Variants in ADAM12 observed in about 807,000 individuals in gnomAD.
The protein encoded by ADAM12 is disintegrin and metalloproteinase domain-containing protein 12.
ADAM12 carries 70 observed loss-of-function variants against 106.4 expected under a neutral mutation model. That is an observed-to-expected ratio of 0.66 (90% CI 0.54 to 0.80). The LOEUF is 0.80. Ranked by LOEUF, ADAM12 falls within the 30% of genes least tolerant of loss-of-function variation. The pLI, the probability that ADAM12 is intolerant of heterozygous loss-of-function variation, is 0.00. For missense variants in ADAM12, 1,010 were observed against 1,171.9 expected, an observed-to-expected ratio of 0.86 and a Z score of 2.02; for synonymous variants, 420 against 433.5, an observed-to-expected ratio of 0.97 and a Z score of 0.39.
intron 1 of ADAM12, among the ~76,000 whole-genome samples, chr10:126,383,129 G>C (rs1249405699): frequency 1.3e-5 from 2 of 151,846 alleles, no homozygotes; most frequent in Non-Finnish European, 2.9e-5. Context: ...AAAATTTTTT[G>C]TTGAGATGTG....
intron 2 of ADAM12, among the ~76,000 whole-genome samples, chr10:126,287,464 T>C (rs911502768): frequency 6.6e-6 from 1 of 151,940 alleles, no homozygotes; most frequent in Non-Finnish European, 1.5e-5. Flanking sequence ...AGAGGGGAGG[T>C]TGGAGAAAAT....
rs1400689721 is a variant in ADAM12, at chr10:126,135,335, G to A, written c.416+249C>T. The A allele has an allele frequency of 8.6e-6, 4 of 467,142 alleles. No individual in the cohort carries two copies. In the East Asian group the frequency reaches 9.6e-5, roughly 11 times the overall value. 28.9% of individuals were successfully genotyped at this position (467,142 alleles called of 1,614,324 possible). On this transcript the variant is annotated intron_variant, in intron 5 of 22. Coordinates refer to ENST00000448723, the MANE Select transcript of ADAM12 (RefSeq NM_001288973.2). ...ATGTAGAAACTCAACCAGTTCAGTCGCTTTTACCCCACCAGGCCTGAGGAT... is the reference window on the plus strand; with the variant it reads ...ATGTAGAAACTCAACCAGTTCAGTCACTTTTACCCCACCAGGCCTGAGGAT...
chr10:126,340,146 C>T (rs545330951), intron 1 of ADAM12, among the ~76,000 whole-genome samples: 36 of 152,266 alleles, frequency 2.4e-4, no homozygotes, highest in Admixed American at 8.5e-4. Context: ...AGCCACAGTG[C>T]CCAGCCCCGT....
intron 1 of ADAM12, among the ~76,000 whole-genome samples, chr10:126,356,419 A>C (rs1295979485): frequency 6.6e-6 from 1 of 152,226 alleles, no homozygotes; most frequent in African/African-American, 2.4e-5. Flanking sequence ...TAGAGAATGG[A>C]AAGCAAGCTT....
rs771472529 is a variant in ADAM12, at chr10:126,066,322, C to T, written c.1413+395G>A. 5.3e-5 allele frequency among the ~76,000 whole-genome samples: 8 copies of T among 152,154 alleles called. No homozygotes were observed. The highest frequency in any genetic ancestry group is 7.3e-5 in the Non-Finnish European group (5 of 68,034). On this transcript the variant is annotated intron_variant, in intron 13 of 22. Transcript: ENST00000448723. The surrounding 1 kb of genome is among the most constrained non-coding windows in gnomAD (Gnocchi z 5.1). ...TGGGACAAGCCAGCAGGCAGATGTCCGCGGGATCAAGAAGATGAACCTGGG... is the reference window on the plus strand; with the variant it reads ...TGGGACAAGCCAGCAGGCAGATGTCTGCGGGATCAAGAAGATGAACCTGGG...
chr10:126,097,505 C>T (rs1012082630), intron 10 of ADAM12, among the ~76,000 whole-genome samples: 2 of 152,190 alleles, frequency 1.3e-5, no homozygotes, highest in African/African-American at 4.8e-5. Context: ...AAGTAATCAT[C>T]AGCAGAACAT....
intron 3 of ADAM12, among the ~76,000 whole-genome samples, chr10:126,180,616 T>C (rs1036720438): frequency 3.9e-5 from 6 of 152,212 alleles, no homozygotes; most frequent in African/African-American, 1.4e-4. Flanking sequence ...AGCACCTGTT[T>C]CACAAGGATT....
At chr10:126,260,096 A>C (rs1279027041) in intron 3 of ADAM12, among the ~76,000 whole-genome samples, 7 of 152,180 alleles carry the variant, frequency 4.6e-5, no homozygotes, top group African/African-American at 7.2e-5. Context: ...GGGCCCCAGC[A>C]TTTCTTCCAT....
chr10:126,257,902 G>A (rs1418983865), intron 3 of ADAM12, among the ~76,000 whole-genome samples: 1 of 152,114 alleles, frequency 6.6e-6, no homozygotes, highest in Non-Finnish European at 1.5e-5. Context: ...GGACAACGGT[G>A]GTGTCTTTAC....
At chr10:126,371,728 A>G (rs975832665) in intron 1 of ADAM12, among the ~76,000 whole-genome samples, 1 of 152,224 alleles carries the variant, frequency 6.6e-6, no homozygotes, top group Admixed American at 6.5e-5. Context: ...TTTCTGCAGC[A>G]ATTCTTATTC....
rs969558830 is a variant in ADAM12 at position 126,206,596 on chromosome 10, C to T, written c.261-51291G>A. On this transcript the variant is annotated intron_variant, in intron 3 of 22. Transcript: ENST00000448723. ...TCAAAAAGTACATCGTTTTCTATTA[C>T]GGGATGTTTATCTGTATCTGCTAAG... Among the ~76,000 whole-genome samples, 16 of 152,110 alleles carry T rather than the reference C, an allele frequency of 1.1e-4. No individual in the cohort carries two copies. The East Asian group carries it at 1.2e-3, about 11-fold the overall frequency.
At chr10:126,322,711 T>C (rs193257382) in intron 2 of ADAM12, among the ~76,000 whole-genome samples, 85 of 152,278 alleles carry the variant, frequency 5.6e-4, no homozygotes, top group Non-Finnish European at 7.1e-4. Flanking sequence ...AAACAAAGCC[T>C]GAGCAAGGGC....
intron 3 of ADAM12, among the ~76,000 whole-genome samples, chr10:126,165,479 C>T (rs1676743): frequency 0.23 from 35,136 of 152,190 alleles, 4,778 homozygotes; most frequent in South Asian, 0.42. Context: ...TTTTGATACG[C>T]ACTTCCTTAC....
chr10:126,265,451 T>C (rs1292337680), intron 3 of ADAM12, among the ~76,000 whole-genome samples: 5 of 152,154 alleles, frequency 3.3e-5, no homozygotes, highest in Non-Finnish European at 7.4e-5. Flanking sequence ...AGGCAGACTT[T>C]TCTAATGGAA....
intron 11 of ADAM12, among the ~76,000 whole-genome samples, chr10:126,075,979 G>T (rs1179003220): frequency 6.6e-6 from 1 of 152,138 alleles, no homozygotes; most frequent in East Asian, 1.9e-4. Flanking sequence ...GTGCAAATTT[G>T]TCACATGGAT....
chr10:126,062,042 C>T (rs1290862794), intron 14 of ADAM12, among the ~76,000 whole-genome samples: 1 of 152,036 alleles, frequency 6.6e-6, no homozygotes, highest in Non-Finnish European at 1.5e-5. Flanking sequence ...TGGGTTGCAG[C>T]CTTCCCTGCT....
rs556657072 is a variant in ADAM12 at position 126,270,421 on chromosome 10, A to G, written c.260+8494T>C. 2.0e-5 allele frequency among the ~76,000 whole-genome samples: 3 copies of G among 152,380 alleles called. No individual in the cohort carries two copies. In the South Asian group the frequency reaches 6.2e-4, roughly 32 times the overall value. ...TCCCTGCTAGCCCCAGTGCTGTCCA[A>G]CAGAAATTTCTATGATGATGGAAAT... On this transcript the variant is annotated intron_variant, in intron 3 of 22. Coordinates refer to ENST00000448723, the MANE Select transcript of ADAM12 (RefSeq NM_001288973.2).
chr10:126,339,877 CAG>C (rs1300037558), intron 1 of ADAM12, among the ~76,000 whole-genome samples: 1 of 103,618 alleles, frequency 9.7e-6, no homozygotes, highest in Non-Finnish European at 1.8e-5. Flanking sequence ...TTTTTTGAGA[CAG>C]AGTCTTGCTC....
chr10:126,357,788 T>C (rs967921954), intron 1 of ADAM12, among the ~76,000 whole-genome samples: 1 of 152,152 alleles, frequency 6.6e-6, no homozygotes, highest in Non-Finnish European at 1.5e-5. Context: ...ACTGCCCCCA[T>C]GATTCAATTA....
Sources: allele counts gnomAD v4.1 joint callset (sites outside exome capture counted in the v4.1 genomes callset), GRCh38; gene constraint gnomAD v4.1.1; non-coding constraint Gnocchi (gnomAD v3.1); transcripts MANE v1.5; gene names NCBI Gene and HGNC (gene_info 2026-07-23, HGNC 2026-07-21).